The following CELF4 variants were observed in gnomAD, a reference collection of about 807,000 sequenced individuals.
CELF4 encodes the protein CUG-BP- and ETR-3-like factor 4.
A neutral mutation model predicts 59.9 loss-of-function variants in CELF4; 18 were observed. The observed-to-expected ratio is 0.30, with a 90% confidence interval of 0.21 to 0.45. CELF4 has a LOEUF of 0.45. CELF4 is among the 20% of genes least tolerant of loss of function. The pLI is 1.00. For synonymous variants in CELF4, 261 were observed against 267.1 expected (o/e 0.98, Z 0.22); for missense variants, 456 against 689.0 (o/e 0.66, Z 3.79).
intron 2 of CELF4, among the ~76,000 whole-genome samples, chr18:37,353,973 T>C (rs2098516865): frequency 1.3e-5 from 2 of 151,996 alleles, no homozygotes; most frequent in South Asian, 4.2e-4. Context: ...GCCAGGATGG[T>C]CTCTATCTCC....
chr18:37,506,785 AGCATCGC>A (rs1449804454), intron 1 of CELF4, among the ~76,000 whole-genome samples: 1 of 152,224 alleles, frequency 6.6e-6, no homozygotes, highest in Admixed American at 6.5e-5. Flanking sequence ...AATGGGGGGA[AGCATCGC>A]GCCTTGCATT....
chr18:37,414,742 C>G (rs916219706), intron 2 of CELF4, among the ~76,000 whole-genome samples: 1 of 152,004 alleles, frequency 6.6e-6, no homozygotes, highest in Non-Finnish European at 1.5e-5. Context: ...CGTGATCCAC[C>G]CACCTCGGCC....
intron 1 of CELF4, among the ~76,000 whole-genome samples, chr18:37,487,791 A>G (rs1313573000): frequency 6.6e-6 from 1 of 152,142 alleles, no homozygotes; most frequent in Non-Finnish European, 1.5e-5. Flanking sequence ...GGAGGAAATG[A>G]CCATATTGTT....
At chr18:37,547,521 A>G (rs1406610881) in intron 1 of CELF4, among the ~76,000 whole-genome samples, 2 of 152,196 alleles carry the variant, frequency 1.3e-5, no homozygotes, top group African/African-American at 4.8e-5. Flanking sequence ...GGCCTGCCCA[A>G]AATTTCTCCA....
At chr18:37,507,977 T>C (rs1230393256) in intron 1 of CELF4, among the ~76,000 whole-genome samples, 1 of 152,008 alleles carries the variant, frequency 6.6e-6, no homozygotes, top group East Asian at 1.9e-4. Context: ...ATCTCCAAAG[T>C]GGATTCCTCC....
intron 12 of CELF4, among the ~76,000 whole-genome samples, chr18:37,250,693 C>T (rs535982162): frequency 2.0e-5 from 3 of 152,138 alleles, no homozygotes; most frequent in South Asian, 4.2e-4. Flanking sequence ...GCTGGCAGTC[C>T]GAGGGCAGCC....
At chr18:37,345,651 C>T (rs975097903) in intron 2 of CELF4, among the ~76,000 whole-genome samples, 3 of 152,074 alleles carry the variant, frequency 2.0e-5, no homozygotes, top group Admixed American at 1.3e-4. Context: ...TGGCTGAAGG[C>T]CTGGGAGGCT....
chr18:37,264,656 G>A lies in CELF4; in HGVS notation c.1249+18C>T. ...AACAGGGGGAGGGAGGGGCCCAGGA[G>A]CTGGCCTGCAGACTCACCTTCTCTC... is the stretch of plus-strand genomic sequence containing the variant. On this transcript the variant is annotated intron_variant, in intron 10 of 12. Transcript: ENST00000420428. 6.4e-7 allele frequency: 1 copy of A among 1,559,508 alleles called. No homozygotes were observed. Among genetic ancestry groups the A allele is most frequent in the Non-Finnish European group, 8.7e-7 (1 of 1,150,614 alleles).
intron 1 of CELF4, among the ~76,000 whole-genome samples, chr18:37,554,031 G>C (rs896605635): frequency 6.6e-6 from 1 of 152,236 alleles, no homozygotes; most frequent in Non-Finnish European, 1.5e-5. Context: ...GCTCTCTGCT[G>C]TTCTCCCTAG....
intron 3 of CELF4, among the ~76,000 whole-genome samples, chr18:37,307,067 C>A (rs1194797166): frequency 6.6e-6 from 1 of 151,962 alleles, no homozygotes; most frequent in East Asian, 1.9e-4. Flanking sequence ...GAGGGGGCCA[C>A]CAAGTCTTCC....
chr18:37,321,905 G>A (rs1387452474), intron 2 of CELF4, 24 bp from the exon 3 acceptor site: 1 of 1,598,306 alleles, frequency 6.3e-7, no homozygotes, highest in Admixed American at 1.7e-5. Flanking sequence ...GAGGGGGACA[G>A]CATTATAGCA....
At chr18:37,396,677 C>T (rs975536992) in intron 2 of CELF4, among the ~76,000 whole-genome samples, 11 of 152,102 alleles carry the variant, frequency 7.2e-5, no homozygotes, top group Admixed American at 2.0e-4. Flanking sequence ...ATGGATGAGG[C>T]GGGTGACTGG....
At position 37,246,787 on chromosome 18, in the gene CELF4, T is replaced by C. The variant is rs1437163239; in HGVS notation, c.*45-1590A>G. 1 of 152,156 alleles carries C rather than the reference T, an allele frequency of 6.6e-6. No homozygotes were observed. Among genetic ancestry groups the C allele is most frequent in the Admixed American group, 6.5e-5 (1 of 15,280 alleles). 9.4% of individuals were successfully genotyped at this position (152,156 alleles called of 1,614,324 possible). ...CTTATTTTTAAGAAAAAAATAATGG[T>C]TTGCACAGGTAAATGATCCCATGTT... On this transcript the variant is annotated intron_variant, in intron 12 of 12. Coordinates refer to ENST00000420428, the MANE Select transcript of CELF4 (RefSeq NM_020180.4). The surrounding 1 kb of genome is among the most constrained non-coding windows in gnomAD (Gnocchi z 5.3).
chr18:37,375,459 G>C (rs1375411800), intron 2 of CELF4, among the ~76,000 whole-genome samples: 1 of 152,148 alleles, frequency 6.6e-6, no homozygotes, highest in Admixed American at 6.5e-5. Context: ...CCACTGGCAT[G>C]GGATAAATGC....
intron 11 of CELF4, among the ~76,000 whole-genome samples, chr18:37,256,497 A>G (rs557548740): frequency 6.6e-6 from 1 of 152,252 alleles, no homozygotes; most frequent in South Asian, 2.1e-4. Context: ...CCTTTTCACA[A>G]AGGAAGAGAT....
At position 37,274,940 on chromosome 18, in the gene CELF4, G is replaced by A. The variant is rs2092787639; in HGVS notation, c.578-56C>T. On this transcript the variant is annotated intron_variant, in intron 4 of 12. Coordinates refer to ENST00000420428, the MANE Select transcript of CELF4 (RefSeq NM_020180.4). ...CCAGAAGCAGGGCCAGGGAGGGGCCGGGAGGAGAGGGCGCATCCCAGGTGA... is the reference window on the plus strand; with the variant it reads ...CCAGAAGCAGGGCCAGGGAGGGGCCAGGAGGAGAGGGCGCATCCCAGGTGA... The A allele has an allele frequency of 5.1e-6, 8 of 1,578,248 alleles. No homozygotes were observed. In the South Asian group the frequency reaches 6.8e-5, roughly 13 times the overall value.
chr18:37,501,638 A>C (rs2099931993), intron 1 of CELF4, among the ~76,000 whole-genome samples: 1 of 152,252 alleles, frequency 6.6e-6, no homozygotes, highest in African/African-American at 2.4e-5. Flanking sequence ...TAGAGGCCTG[A>C]GGAAGCCATA....
intron 2 of CELF4, among the ~76,000 whole-genome samples, chr18:37,430,725 G>C (rs2099643889): frequency 6.6e-6 from 1 of 152,208 alleles, no homozygotes; most frequent in African/African-American, 2.4e-5. Flanking sequence ...CCTCCTCCTG[G>C]CTCGGGCCCC....
chr18:37,320,115 A>G (rs1340023059), intron 3 of CELF4, among the ~76,000 whole-genome samples: 3 of 152,062 alleles, frequency 2.0e-5, no homozygotes, highest in Non-Finnish European at 4.4e-5. Context: ...AGGCGGGCAG[A>G]TCACAAGGTC....
Sources: allele counts gnomAD v4.1 joint callset (sites outside exome capture counted in the v4.1 genomes callset), GRCh38; gene constraint gnomAD v4.1.1; non-coding constraint Gnocchi (gnomAD v3.1); transcripts MANE v1.5; gene names NCBI Gene and HGNC (gene_info 2026-07-23, HGNC 2026-07-21).